The following ARHGAP39 variants were observed in gnomAD, a reference collection of about 807,000 sequenced individuals.
ARHGAP39 encodes the protein rho GTPase-activating protein 39.
In ARHGAP39, 44 loss-of-function variants were observed where a neutral mutation model predicts 106.9. The ratio of observed to expected loss-of-function variants is 0.41; its 90% CI spans 0.32 to 0.53. The LOEUF (loss-of-function observed/expected upper bound fraction) is 0.53, where lower values mean the gene tolerates loss of function less well. ARHGAP39 is among the 20% of genes least tolerant of loss of function. The probability of loss-of-function intolerance (pLI) is 0.21; values close to 1 mark genes in which losing one functional copy is unlikely to be tolerated. For synonymous variants in ARHGAP39, 768 were observed against 693.2 expected, an observed-to-expected ratio of 1.11 and a Z score of -1.69; for missense variants, 1,496 against 1,577.3, an observed-to-expected ratio of 0.95 and a Z score of 0.87.
rs1458491469 is a variant in ARHGAP39, at chr8:144,647,071, C to T, written c.-82+38615G>A. 6.6e-6 allele frequency among the ~76,000 whole-genome samples: 1 copy of T among 151,538 alleles called. No individual in the cohort carries two copies. Among genetic ancestry groups the T allele is most frequent in the Non-Finnish European group, 1.5e-5 (1 of 67,952 alleles). On this transcript the variant is annotated intron_variant, in intron 1 of 11. Coordinates refer to ENST00000377307, the MANE Select transcript of ARHGAP39 (RefSeq NM_025251.3). The surrounding 1 kb of genome is among the most constrained non-coding windows in gnomAD (Gnocchi z 4.8). ...GCAAGCTCCGCCTCCTGGGTTCACA[C>T]CATTCTCCTGCCTCAGCCTCCCGAG...
At chr8:144,602,319 A>G (rs1586602653) in intron 2 of ARHGAP39, among the ~76,000 whole-genome samples, 2 of 81,186 alleles carry the variant, frequency 2.5e-5, no homozygotes, top group Non-Finnish European at 2.4e-5. Context: ...GTGTGCATGG[A>G]GGCGTGCGTG....
In ARHGAP39 at chr8:144,547,886, G is replaced by T; in HGVS notation, c.1200C>A (p.Tyr400Ter). 1.3e-6 allele frequency: 2 copies of T among 1,584,124 alleles called. No individual in the cohort carries two copies. The highest frequency in any genetic ancestry group is 1.7e-6 in the Non-Finnish European group (2 of 1,165,870). ...AGKEYVRQLV[Y>*]VEQAGSSPKL... ...TGGGGCTGGAGCCCGCCTGCTCCAC[G>T]TAGACCAGCTGCCGCACGTACTCCT... The change falls in exon 5 of 12, where the codon TAC becomes TAA. Residue 400 changes from tyrosine (Y) to a stop codon, truncating the protein, a stop_gained. Coordinates refer to ENST00000377307, the MANE Select transcript of ARHGAP39 (RefSeq NM_025251.3). LOFTEE classifies it high-confidence loss of function. This position sits in a 1 kb window ranked among gnomAD's most constrained non-coding sequence, Gnocchi z 5.2.
intron 1 of ARHGAP39, among the ~76,000 whole-genome samples, chr8:144,658,357 C>T (rs1297733711): frequency 6.6e-6 from 1 of 152,132 alleles, no homozygotes; most frequent in Non-Finnish European, 1.5e-5. Context: ...TCACCACAAC[C>T]TCCACCTCCT....
chr8:144,684,225 A>C lies in ARHGAP39; in HGVS notation c.-82+1461T>G, dbSNP rs1194215962. Among the ~76,000 whole-genome samples the C allele has an allele frequency of 6.6e-6, 1 of 152,208 alleles. No homozygotes were observed. The highest frequency in any genetic ancestry group is 2.4e-5 in the African/African-American group (1 of 41,448). ...ATTCACTCCAAGCATTTATGGCTAC[A>C]GAGCCTGCGCCCAGGGCGGTTTATG... is the stretch of plus-strand genomic sequence containing the variant. On this transcript the variant is annotated intron_variant, in intron 1 of 11. Coordinates refer to ENST00000377307, the MANE Select transcript of ARHGAP39 (RefSeq NM_025251.3). This position sits in a 1 kb window ranked among gnomAD's most constrained non-coding sequence, Gnocchi z 4.4.
At chr8:144,593,489 G>A (rs1032186540) in intron 2 of ARHGAP39, among the ~76,000 whole-genome samples, 1 of 152,128 alleles carries the variant, frequency 6.6e-6, no homozygotes, top group African/African-American at 2.4e-5. Flanking sequence ...AGAATAGACG[G>A]GGCGGCTCTG....
intron 2 of ARHGAP39, among the ~76,000 whole-genome samples, chr8:144,595,101 C>T (rs1819562734): frequency 6.6e-6 from 1 of 152,158 alleles, no homozygotes; most frequent in South Asian, 2.1e-4. Flanking sequence ...GTATACACAC[C>T]CAAGAGAAAC....
rs1564845335 is a variant in ARHGAP39 at position 144,555,546 on chromosome 8, G to C, written c.596+14C>G. 5.6e-6 allele frequency: 9 copies of C among 1,612,444 alleles called. No homozygotes were observed. Among genetic ancestry groups the C allele is most frequent in the Non-Finnish European group, 7.6e-6 (9 of 1,178,814 alleles). ...CTCCATCACAAACGGCCACGCCTGA[G>C]AGATGGGTTCTACCTGTAGTGAAGA... On this transcript the variant is annotated intron_variant, in intron 4 of 11. Transcript: ENST00000377307.
chr8:144,554,518 G>A (rs775638322), intron 4 of ARHGAP39, among the ~76,000 whole-genome samples: 12 of 152,180 alleles, frequency 7.9e-5, no homozygotes, highest in African/African-American at 1.2e-4. Context: ...AGGTGGGCAC[G>A]TCCACCACGA....
rs117431943 is a variant in ARHGAP39 at position 144,671,645 on chromosome 8, C to T, written c.-82+14041G>A. 6.9e-3 allele frequency among the ~76,000 whole-genome samples: 1,053 copies of T among 152,352 alleles called. 4 individuals are homozygous for T. Among genetic ancestry groups the T allele is most frequent in the Middle Eastern group, 0.054 (16 of 294 alleles). On this transcript the variant is annotated intron_variant, in intron 1 of 11. Transcript: ENST00000377307. The surrounding 1 kb of genome is among the most constrained non-coding windows in gnomAD (Gnocchi z 4.5). ...GCCCAAGGCTCAGCTGCTGATACTC[C>T]TCCTTTCCAGACAAGACACCCCTTC...
chr8:144,581,969 C>A (rs1405954708), intron 2 of ARHGAP39, among the ~76,000 whole-genome samples: 2 of 151,766 alleles, frequency 1.3e-5, no homozygotes, highest in Non-Finnish European at 2.9e-5. Flanking sequence ...GAGGCGTTCC[C>A]ATGGACCCAT....
chr8:144,538,048 T>G (rs1318410921), intron 6 of ARHGAP39, among the ~76,000 whole-genome samples: 1 of 151,646 alleles, frequency 6.6e-6, no homozygotes. Context: ...CTGGCGTGAG[T>G]GGAGGTGCAG....
rs1563737917 is a variant in ARHGAP39 at position 144,684,985 on chromosome 8, AC to A, written c.-82+700del. Among the ~76,000 whole-genome samples, 1 of 152,112 alleles carries A rather than the reference AC, an allele frequency of 6.6e-6. No homozygotes were observed. The highest frequency in any genetic ancestry group is 6.5e-5 in the Admixed American group (1 of 15,276). On this transcript the variant is annotated intron_variant, in intron 1 of 11. Transcript: ENST00000377307. This position sits in a 1 kb window ranked among gnomAD's most constrained non-coding sequence, Gnocchi z 4.4. ...CTTCAGGACGCGGGCACCAGACCCG[AC>A]CGGCGGGCATCCACCTTGTCCCCAC...
rs114405672 is a variant in ARHGAP39 at position 144,539,234 on chromosome 8, C to T, written c.2522-1421G>A. On this transcript the variant is annotated intron_variant, in intron 6 of 11. Transcript: ENST00000377307. ...GCACGCTAACTCCTGTTCACATGCA[C>T]ATCTGTAAATATTTCTGTATGTGGC... Among the ~76,000 whole-genome samples, 621 of 152,324 alleles carry T rather than the reference C, an allele frequency of 4.1e-3. 5 individuals are homozygous for T. The highest frequency in any genetic ancestry group is 0.015 in the African/African-American group (605 of 41,570).
In ARHGAP39 at chr8:144,547,037, C is replaced by T. The variant is rs187175887; in HGVS notation, c.1959+90G>A. ...CTGCGTGCTGCGTGCACGCCCTGGA[C>T]GCCAGGTCTCCTGTGCCTGGCCCAC... On this transcript the variant is annotated intron_variant, in intron 5 of 11. Transcript: ENST00000377307. The surrounding 1 kb of genome is among the most constrained non-coding windows in gnomAD (Gnocchi z 5.2). 29 of 1,418,030 alleles carry T rather than the reference C, an allele frequency of 2.0e-5. No individual in the cohort carries two copies. In the South Asian group the frequency reaches 2.4e-4, roughly 12 times the overall value. The allele number at this position is 1,418,030 out of a possible 1,614,324, so 87.8% of individuals were successfully genotyped here.
chr8:144,585,922 G>A lies in ARHGAP39; in HGVS notation c.81-4645C>T, dbSNP rs1819169773. ...CCCGAGGGACAGATGGGGCATCCCT[G>A]CACCCCCATGGCTCAGCCAGGCTCT... On this transcript the variant is annotated intron_variant, in intron 2 of 11. Transcript: ENST00000377307. The surrounding 1 kb of genome is among the most constrained non-coding windows in gnomAD (Gnocchi z 4.6). Among the ~76,000 whole-genome samples the A allele has an allele frequency of 6.6e-6, 1 of 152,186 alleles. No individual in the cohort carries two copies. Among genetic ancestry groups the A allele is most frequent in the South Asian group, 2.1e-4 (1 of 4,832 alleles).
rs986180471 is a variant in ARHGAP39 at position 144,684,524 on chromosome 8, G to C, written c.-82+1162C>G. ...TCTGGTTAAACCCGTACAGCACTGA[G>C]GGGGAGGGGGCCCGGCTGCGTTTCC... is the stretch of plus-strand genomic sequence containing the variant. On this transcript the variant is annotated intron_variant, in intron 1 of 11. Coordinates refer to ENST00000377307, the MANE Select transcript of ARHGAP39 (RefSeq NM_025251.3). This position sits in a 1 kb window ranked among gnomAD's most constrained non-coding sequence, Gnocchi z 4.4. Among the ~76,000 whole-genome samples, 3 of 152,250 alleles carry C rather than the reference G, an allele frequency of 2.0e-5. No homozygotes were observed. The highest frequency in any genetic ancestry group is 2.9e-5 in the Non-Finnish European group (2 of 68,042).
rs545727676 is a variant in ARHGAP39 at position 144,681,327 on chromosome 8, G to A, written c.-82+4359C>T. Among the ~76,000 whole-genome samples, 8 of 152,242 alleles carry A rather than the reference G, an allele frequency of 5.3e-5. No individual in the cohort carries two copies. The East Asian group carries it at 1.5e-3, about 29-fold the overall frequency. On this transcript the variant is annotated intron_variant, in intron 1 of 11. Transcript: ENST00000377307. ...CAGGCAGGGTAGTCCAGCTCTGCGAGGGAGTCTGTCCAGCTCTGCGAGGGA... is the reference window on the plus strand; with the variant it reads ...CAGGCAGGGTAGTCCAGCTCTGCGAAGGAGTCTGTCCAGCTCTGCGAGGGA...
intron 1 of ARHGAP39, among the ~76,000 whole-genome samples, chr8:144,640,201 C>G (rs755376472): frequency 9.2e-5 from 14 of 152,178 alleles, no homozygotes; most frequent in Admixed American, 2.0e-4. Context: ...TTTGGACTCT[C>G]GCGTGGCTCA....
chr8:144,685,436 C>A lies in ARHGAP39; in HGVS notation c.-82+250G>T, dbSNP rs547840348. ...CCCGGCCCGTCGGCGCGCACCCGGG[C>A]CCCGCGCGGCCTCGGCCCCTCGAGC... On this transcript the variant is annotated intron_variant, in intron 1 of 11. Transcript: ENST00000377307. 4.3e-3 allele frequency among the ~76,000 whole-genome samples: 648 copies of A among 150,580 alleles called. 3 individuals carry two copies. The highest frequency in any genetic ancestry group is 7.7e-3 in the Non-Finnish European group (518 of 67,460).
Sources: gnomAD v4.1 joint callset for allele counts (sites outside exome capture counted in the v4.1 genomes callset) on GRCh38, gnomAD v4.1.1 for gene constraint, Gnocchi (gnomAD v3.1) non-coding constraint, MANE v1.5 for transcripts, NCBI Gene and HGNC (gene_info 2026-07-23, HGNC 2026-07-21) for gene names.